The following SLC6A2 variants were observed in gnomAD, a reference collection of about 807,000 sequenced individuals.
The protein encoded by SLC6A2 is sodium-dependent noradrenaline transporter.
SLC6A2 carries 26 observed loss-of-function variants against 71.7 expected under a neutral mutation model. That is an observed-to-expected ratio of 0.36 (90% CI 0.27 to 0.50). The LOEUF (loss-of-function observed/expected upper bound fraction) is 0.50. Ranked by LOEUF, SLC6A2 falls within the 20% of genes least tolerant of loss-of-function variation. The probability of loss-of-function intolerance (pLI) is 0.96; values close to 1 mark genes in which losing one functional copy is unlikely to be tolerated. For missense variants in SLC6A2, 581 were observed against 803.9 expected, an observed-to-expected ratio of 0.72 and a Z score of 3.35; for synonymous variants, 363 against 337.9, an observed-to-expected ratio of 1.07 and a Z score of -0.82.
chr16:55,687,129 G>T (rs1043359502), intron 5 of SLC6A2, among the ~76,000 whole-genome samples: 1 of 488 alleles, frequency 2.0e-3, no homozygotes, highest in Non-Finnish European at 6.8e-3. Flanking sequence ...ATATGTGTGT[G>T]TCCCCATTTA....
chr16:55,660,915 C>G (rs2142486605), intron 2 of SLC6A2, among the ~76,000 whole-genome samples: 1 of 152,296 alleles, frequency 6.6e-6, no homozygotes, highest in East Asian at 1.9e-4. Context: ...GGTTTAGGCC[C>G]CTGGCTAATG....
chr16:55,674,200 C>T (rs1965011158), intron 4 of SLC6A2, among the ~76,000 whole-genome samples: 1 of 152,032 alleles, frequency 6.6e-6, no homozygotes, highest in South Asian at 2.1e-4. Flanking sequence ...ACTCCTCACT[C>T]TTGTTGTCCC....
chr16:55,681,684 G>T (rs1440415450), intron 4 of SLC6A2, among the ~76,000 whole-genome samples: 1 of 152,240 alleles, frequency 6.6e-6, no homozygotes, highest in Non-Finnish European at 1.5e-5. Flanking sequence ...TAAGTTTCCA[G>T]ACTCAGGGTA....
At chr16:55,690,921 G>A (rs9939709) in intron 5 of SLC6A2, among the ~76,000 whole-genome samples, 3 of 151,854 alleles carry the variant, frequency 2.0e-5, no homozygotes, top group Admixed American at 1.3e-4. Flanking sequence ...CTGGACAAGG[G>A]GATGGGGTGT....
chr16:55,703,846 G>A lies in SLC6A2; in HGVS notation c.*1500G>A. The A allele has an allele frequency of 2.0e-6, 2 of 979,830 alleles. No individual in the cohort carries two copies. Among genetic ancestry groups the A allele is most frequent in the Non-Finnish European group, 2.4e-6 (2 of 824,900 alleles). The allele number at this position is 979,830 out of a possible 1,614,324, so 60.7% of individuals were successfully genotyped here. The stretch of plus-strand genomic sequence containing the variant: ...GAGCCTGGTGGTTCCTGCATGAAGA[G>A]GATTATGAGGGGACCAGGGTGGGGC... On this transcript the variant is annotated 3_prime_UTR_variant, in exon 15 of 15. Coordinates refer to ENST00000568943, the MANE Select transcript of SLC6A2 (RefSeq NM_001172501.3).
At chr16:55,669,532 T>A in intron 2 of SLC6A2, 33 bp from the exon 3 acceptor site, 1 of 1,612,714 alleles carries the variant, frequency 6.2e-7, no homozygotes. Flanking sequence ...GGCAGGGGTC[T>A]GTCAGGTCAC....
At position 55,705,653 on chromosome 16, in the gene SLC6A2, AC is replaced by A. The variant is rs1966085511; in HGVS notation, c.*3310del. On this transcript the variant is annotated 3_prime_UTR_variant, in exon 15 of 15. Transcript: ENST00000568943. The stretch of plus-strand genomic sequence containing the variant: ...CAAAGTTCCCATTCCATTAAAGAAA[AC>A]CCTGCATGTATCCATAATGATGCTC... The A allele has an allele frequency of 5.7e-6, 1 of 174,266 alleles. No individual in the cohort carries two copies. The highest frequency in any genetic ancestry group is 1.9e-4 in the South Asian group (1 of 5,312). 10.8% of individuals were successfully genotyped at this position (174,266 alleles called of 1,614,324 possible).
At position 55,690,015 on chromosome 16, in the gene SLC6A2, C is replaced by T. The variant is rs148158919; in HGVS notation, c.784-1903C>T. Among the ~76,000 whole-genome samples, 8 of 152,274 alleles carry T rather than the reference C, an allele frequency of 5.3e-5. No homozygotes were observed. The East Asian group carries it at 1.4e-3, about 26-fold the overall frequency. ...TCATGCATTTATTCTTTGACTTAGT[C>T]GTCCACTAACTTTCCGATTTATCAC... On this transcript the variant is annotated intron_variant, in intron 5 of 14. Transcript: ENST00000568943.
At chr16:55,672,225 T>C in intron 4 of SLC6A2, 50 bp downstream of exon 4, 2 of 1,614,134 alleles carry the variant, frequency 1.2e-6, no homozygotes, top group Non-Finnish European at 1.7e-6. Flanking sequence ...GTGCTTGGTA[T>C]GACCTGAGCC....
intron 14 of SLC6A2, among the ~76,000 whole-genome samples, 154 bp downstream of exon 14, chr16:55,702,088 A>G (rs1285064023): frequency 6.7e-6 from 1 of 150,308 alleles, no homozygotes; most frequent in Non-Finnish European, 1.5e-5. Flanking sequence ...GATGGGGGAC[A>G]GGGAGGCTCA....
intron 3 of SLC6A2, chr16:55,671,563 C>T: frequency 2.1e-6 from 1 of 467,814 alleles, no homozygotes; most frequent in East Asian, 3.3e-5. Context: ...ACAGCTGCTC[C>T]CCATCGCTCG....
chr16:55,697,543 A>C (rs1965836603), intron 9 of SLC6A2, among the ~76,000 whole-genome samples: 1 of 152,184 alleles, frequency 6.6e-6, no homozygotes, highest in Non-Finnish European at 1.5e-5. Context: ...ACTTATTGAC[A>C]TGTAAACGTA....
chr16:55,656,922 GGC>G lies in SLC6A2; in HGVS notation c.229_230del (p.Ala77GlnfsTer138). On this transcript the variant is annotated frameshift_variant, in exon 2 of 15. Transcript: ENST00000568943. LOFTEE classifies it high-confidence loss of function. This position sits in a 1 kb window ranked among gnomAD's most constrained non-coding sequence, Gnocchi z 4.5. ...LSVVGFAVDL[A>X]NVWRFPYLCY... is the part of the protein sequence containing the mutation. ...CCGTAGTCGGCTTCGCAGTGGACCT[GGC>G]CAACGTGTGGCGCTTCCCCTACCTC... is the stretch of plus-strand genomic sequence containing the variant. The G allele has an allele frequency of 1.2e-6, 2 of 1,614,002 alleles. No homozygotes were observed. The highest frequency in any genetic ancestry group is 1.7e-6 in the Non-Finnish European group (2 of 1,179,924).
At chr16:55,689,089 G>A (rs774976193) in intron 5 of SLC6A2, among the ~76,000 whole-genome samples, 2 of 152,154 alleles carry the variant, frequency 1.3e-5, no homozygotes, top group Non-Finnish European at 2.9e-5. Context: ...GGTTCTCATG[G>A]CCAGAGCTGT....
intron 2 of SLC6A2, among the ~76,000 whole-genome samples, chr16:55,660,035 A>G (rs1240485292): frequency 6.6e-6 from 1 of 152,244 alleles, no homozygotes; most frequent in Non-Finnish European, 1.5e-5. Context: ...TGGAGAGACA[A>G]GTGCTTTAGA....
Position 55,691,932 on chromosome 16 carries a change from A to G in SLC6A2, c.798A>G (p.Thr266=). The G allele has an allele frequency of 6.2e-7, 1 of 1,614,042 alleles. No homozygotes were observed. Among genetic ancestry groups the G allele is most frequent in the Non-Finnish European group, 8.5e-7 (1 of 1,179,988 alleles). ...CCATTGCCCAGGTGGTGTGGATCAC[A>G]GCCACGCTGCCTTACTTCGTGCTGT... ...VKTSGKVVWI[T]ATLPYFVLFV... The change falls in exon 6 of 15, where the codon ACA becomes ACG. Residue 266 remains threonine, a synonymous_variant. Transcript: ENST00000568943.
intron 2 of SLC6A2, among the ~76,000 whole-genome samples, chr16:55,663,109 C>G (rs867368331): frequency 6.6e-6 from 1 of 152,184 alleles, no homozygotes; most frequent in African/African-American, 2.4e-5. Flanking sequence ...GGGTTCCCCC[C>G]ACCCCTTGCT....
chr16:55,668,541 C>T (rs1411839295), intron 2 of SLC6A2, among the ~76,000 whole-genome samples: 2 of 152,180 alleles, frequency 1.3e-5, no homozygotes, highest in Non-Finnish European at 2.9e-5. Context: ...GGCCTGGCCA[C>T]CTCCAGCTGT....
At position 55,656,612 on chromosome 16, in the gene SLC6A2, G is replaced by C. The variant is rs949151304; in HGVS notation, c.-51-32G>C. 6.3e-6 allele frequency: 10 copies of C among 1,576,644 alleles called. No homozygotes were observed. The East Asian group carries it at 1.6e-4, about 25-fold the overall frequency. The stretch of plus-strand genomic sequence containing the variant: ...AGTTGCAAGTAGGGAGGAACGGCCG[G>C]GTAACCACCTCTTTTCCCTTTATCC... On this transcript the variant is annotated intron_variant, in intron 1 of 14. Transcript: ENST00000568943. This position sits in a 1 kb window ranked among gnomAD's most constrained non-coding sequence, Gnocchi z 4.5.
Sources: gnomAD v4.1 joint callset for allele counts (sites outside exome capture counted in the v4.1 genomes callset) on GRCh38, gnomAD v4.1.1 for gene constraint, Gnocchi (gnomAD v3.1) non-coding constraint, MANE v1.5 for transcripts, NCBI Gene and HGNC (gene_info 2026-07-23, HGNC 2026-07-21) for gene names.